CDC42BPB: variants seen among roughly 807,000 people sequenced by gnomAD.
The protein encoded by CDC42BPB is serine/threonine-protein kinase MRCK beta.
CDC42BPB carries 37 observed loss-of-function variants against 214.9 expected under a neutral mutation model. The observed-to-expected ratio is 0.17, with a 90% CI of 0.13 to 0.23. The LOEUF is 0.23. Among genes scored for constraint, CDC42BPB ranks in the 10% least tolerant of loss-of-function variants. CDC42BPB has a pLI of 1.00. For synonymous variants in CDC42BPB, 931 were observed against 884.0 expected, an observed-to-expected ratio of 1.05 and a Z score of -0.94; for missense variants, 1,694 against 2,227.0, an observed-to-expected ratio of 0.76 and a Z score of 4.82.
At chr14:102,993,507 G>C (rs1894590553) in intron 5 of CDC42BPB, among the ~76,000 whole-genome samples, 1 of 151,942 alleles carries the variant, frequency 6.6e-6, no homozygotes, top group Non-Finnish European at 1.5e-5. Context: ...CAGAAAGAGA[G>C]AGGGAGAGTT....
intron 21 of CDC42BPB, 61 bp downstream of exon 21, chr14:102,959,570 T>A: frequency 8.7e-7 from 1 of 1,151,432 alleles, no homozygotes; most frequent in Non-Finnish European, 1.3e-6. Flanking sequence ...AAATCATATA[T>A]GACACTATTT....
intron 1 of CDC42BPB, among the ~76,000 whole-genome samples, chr14:103,042,332 C>T (rs866646682): frequency 4.0e-5 from 6 of 150,196 alleles, no homozygotes; most frequent in South Asian, 4.2e-4. Flanking sequence ...TTTTTTGAGA[C>T]GGAGTCTCAC....
At chr14:103,034,643 AC>A (rs1887566741) in intron 1 of CDC42BPB, among the ~76,000 whole-genome samples, 1 of 151,994 alleles carries the variant, frequency 6.6e-6, no homozygotes, top group Non-Finnish European at 1.5e-5. Context: ...ACATGGGGAA[AC>A]CCCATCTCTA....
intron 1 of CDC42BPB, among the ~76,000 whole-genome samples, chr14:103,049,090 ATG>A (rs1235900645): frequency 6.6e-6 from 1 of 152,230 alleles, no homozygotes; most frequent in Non-Finnish European, 1.5e-5. Flanking sequence ...CAAGGGGTGA[ATG>A]TGTTTCAGGC....
At chr14:102,993,157 A>G (rs983346980) in intron 5 of CDC42BPB, among the ~76,000 whole-genome samples, 5 of 152,316 alleles carry the variant, frequency 3.3e-5, no homozygotes, top group African/African-American at 1.2e-4. Flanking sequence ...ATTTTCACTA[A>G]TAAAAATCCT....
Position 102,983,773 on chromosome 14 carries a change from G to A in CDC42BPB, c.691-17C>T, listed in dbSNP as rs1894114146. On this transcript the variant is annotated splice_polypyrimidine_tract_variant and intron_variant, in intron 6 of 36. Transcript: ENST00000361246. Reference sequence around the variant, plus strand: ...GGACTGCACCTTAGGGGAGAAGGAGGTGCTGAAGGAAACCCTAGGGCATCT... The same window carrying A: ...GGACTGCACCTTAGGGGAGAAGGAGATGCTGAAGGAAACCCTAGGGCATCT... 1.1e-5 allele frequency: 18 copies of A among 1,609,352 alleles called. No individual in the cohort carries two copies. In the Admixed American group the frequency reaches 2.2e-4, roughly 19 times the overall value.
At chr14:103,036,328 T>G (rs1260042848) in intron 1 of CDC42BPB, among the ~76,000 whole-genome samples, 4 of 151,902 alleles carry the variant, frequency 2.6e-5, no homozygotes, top group African/African-American at 7.3e-5. Context: ...AATTTTTTTT[T>G]GTATTTTTAG....
At chr14:103,038,557 T>C (rs1887799186) in intron 1 of CDC42BPB, among the ~76,000 whole-genome samples, 1 of 152,036 alleles carries the variant, frequency 6.6e-6, no homozygotes, top group Non-Finnish European at 1.5e-5. Flanking sequence ...AGACACAGTA[T>C]CACTCTGTTC....
intron 17 of CDC42BPB, 92 bp downstream of exon 17, chr14:102,966,954 G>A (rs768562719): frequency 1.3e-5 from 18 of 1,435,108 alleles, no homozygotes; most frequent in Non-Finnish European, 1.3e-5. Context: ...ACGGCCTGGC[G>A]TGGAGCACAG....
At chr14:102,940,160 G>A (rs565098027) in intron 31 of CDC42BPB, 30 bp from the exon 32 acceptor site, 2 of 1,613,990 alleles carry the variant, frequency 1.2e-6, no homozygotes, top group East Asian at 4.5e-5. Flanking sequence ...GGGACAGTAA[G>A]CGCGGCCACG....
intron 2 of CDC42BPB, among the ~76,000 whole-genome samples, chr14:103,011,227 C>A (rs980161870): frequency 2.6e-5 from 4 of 152,232 alleles, no homozygotes; most frequent in Non-Finnish European, 5.9e-5. Context: ...GCAGGGCTCC[C>A]AGCCCCATAC....
At chr14:102,954,176 C>G in intron 23 of CDC42BPB, 22 bp downstream of exon 23, 1 of 1,498,826 alleles carries the variant, frequency 6.7e-7, no homozygotes, top group Non-Finnish European at 9.1e-7. Flanking sequence ...GAAGGCGCCC[C>G]GGGTGAAAGC....
At chr14:103,036,519 C>A (rs775198096) in intron 1 of CDC42BPB, among the ~76,000 whole-genome samples, 2 of 152,038 alleles carry the variant, frequency 1.3e-5, no homozygotes, top group Non-Finnish European at 1.5e-5. Context: ...GTAATTCTGA[C>A]GCCAAAATAT....
intron 29 of CDC42BPB, 113 bp downstream of exon 29, chr14:102,945,549 C>T (rs964555990): frequency 6.6e-6 from 6 of 915,408 alleles, no homozygotes; most frequent in East Asian, 2.5e-5. Context: ...GCCCCTCCGG[C>T]GCCTTCATCA....
chr14:103,003,921 G>C lies in CDC42BPB; in HGVS notation c.447+7C>G. On this transcript the variant is annotated splice_region_variant and intron_variant, in intron 4 of 36. Coordinates refer to ENST00000361246, the MANE Select transcript of CDC42BPB (RefSeq NM_006035.4). ...GCCCTGACCGAGTCTCTGGCTGTGC[G>C]ACCTACCAGGTGGTTCTCGTCCTGA... 2 of 1,602,992 alleles carry C rather than the reference G, an allele frequency of 1.2e-6. No homozygotes were observed. The highest frequency in any genetic ancestry group is 1.7e-6 in the Non-Finnish European group (2 of 1,171,514).
intron 1 of CDC42BPB, among the ~76,000 whole-genome samples, chr14:103,046,500 C>A (rs1227026851): frequency 6.6e-6 from 1 of 152,084 alleles, no homozygotes; most frequent in South Asian, 2.1e-4. Context: ...TGAAAAAGAA[C>A]GCACAGGAAA....
intron 3 of CDC42BPB, among the ~76,000 whole-genome samples, chr14:103,005,027 G>C (rs982474822): frequency 2.6e-5 from 4 of 151,978 alleles, no homozygotes; most frequent in Admixed American, 6.6e-5. Context: ...AATTAGCTGG[G>C]TGTGGTGGTG....
chr14:102,939,988 G>A (rs1368233548), intron 32 of CDC42BPB, 41 bp from the exon 33 acceptor site: 1 of 1,613,732 alleles, frequency 6.2e-7, no homozygotes, highest in Non-Finnish European at 8.5e-7. Flanking sequence ...TGCGGCACCA[G>A]GGACACACGC....
intron 5 of CDC42BPB, among the ~76,000 whole-genome samples, chr14:102,988,430 C>CT (rs754710290): frequency 6.6e-6 from 1 of 151,348 alleles, no homozygotes; most frequent in African/African-American, 2.4e-5. Flanking sequence ...TCAATGTCCT[C>CT]TTTTTTGAAG....
Sources: gnomAD v4.1 joint callset for allele counts (sites outside exome capture counted in the v4.1 genomes callset) on GRCh38, gnomAD v4.1.1 for gene constraint, MANE v1.5 for transcripts, NCBI Gene and HGNC (gene_info 2026-07-23, HGNC 2026-07-21) for gene names.